Variants in PTPN14 observed in about 807,000 individuals in gnomAD.
PTPN14 encodes tyrosine-protein phosphatase non-receptor type 14.
PTPN14 carries 53 observed loss-of-function variants against 126.8 expected under a neutral mutation model. The ratio of observed to expected loss-of-function variants is 0.42; its 90% CI spans 0.34 to 0.53. PTPN14 has a LOEUF of 0.53. Among genes scored for constraint, PTPN14 ranks in the 20% least tolerant of loss-of-function variants. The probability of loss-of-function intolerance (pLI) is 0.08; values close to 1 mark genes in which losing one functional copy is unlikely to be tolerated. For missense variants in PTPN14, 1,257 were observed against 1,552.9 expected (o/e 0.81, Z 3.20); for synonymous variants, 630 against 599.3 (o/e 1.05, Z -0.75).
At position 214,384,473 on chromosome 1, in the gene PTPN14, C is replaced by T. The variant is rs1209378969; in HGVS notation, c.1382G>A (p.Ser461Asn). 3 of 1,614,140 alleles carry T rather than the reference C, an allele frequency of 1.9e-6. No individual in the cohort carries two copies. The highest frequency in any genetic ancestry group is 1.7e-6 in the Non-Finnish European group (2 of 1,180,030). The change falls in exon 13 of 19, where the codon AGC becomes AAC. Residue 461 changes from serine to asparagine, a missense_variant. Physicochemically the swap from Ser to Asn is conservative, Grantham distance 46. This residue lies in a region of PTPN14 where 1,021 missense variants were observed against 1,183.3 expected (regional missense o/e 0.86). Coordinates refer to ENST00000366956, the MANE Select transcript of PTPN14 (RefSeq NM_005401.5). This position sits in a 1 kb window ranked among gnomAD's most constrained non-coding sequence, Gnocchi z 5.3. Reference protein sequence around the residue: ...QMKRGILHTDSQSQSLRNLNI... With the variant: ...QMKRGILHTDNQSQSLRNLNI... Reference sequence around the variant, plus strand: ...GAGGTTTCTCAGAGACTGGCTCTGGCTGTCTGTATGCAGGATCCCCCTCTT... The same window carrying T: ...GAGGTTTCTCAGAGACTGGCTCTGGTTGTCTGTATGCAGGATCCCCCTCTT...
At chr1:214,379,738 T>C (rs1658429294) in intron 13 of PTPN14, among the ~76,000 whole-genome samples, 1 of 152,242 alleles carries the variant, frequency 6.6e-6, no homozygotes, top group Admixed American at 6.5e-5. Flanking sequence ...CACCTACCTG[T>C]GACGTGGAAG....
Position 214,372,770 on chromosome 1 carries a change from A to C in PTPN14, c.2977T>G (p.Phe993Val). 6.2e-7 allele frequency: 1 copy of C among 1,614,230 alleles called. No homozygotes were observed. The highest frequency in any genetic ancestry group is 8.5e-7 in the Non-Finnish European group (1 of 1,180,038). The change falls in exon 16 of 19, where the codon TTC becomes GTC. Residue 993 changes from phenylalanine (F) to valine (V), a missense_variant. Physicochemically the swap from Phe to Val is conservative, Grantham distance 50 (BLOSUM62 -1). Coordinates refer to ENST00000366956, the MANE Select transcript of PTPN14 (RefSeq NM_005401.5). ...QGPLPHTCHD[F>V]WQMVWEQGVN... Reference sequence around the variant, plus strand: ...CCCTGCTCCCACACCATCTGCCAGAAGTCGTGGCACGTGTGTGGCAGGGGC... The same window carrying C: ...CCCTGCTCCCACACCATCTGCCAGACGTCGTGGCACGTGTGTGGCAGGGGC...
intron 5 of PTPN14, among the ~76,000 whole-genome samples, chr1:214,405,832 G>A (rs1659154424): frequency 6.6e-6 from 1 of 152,062 alleles, no homozygotes; most frequent in African/African-American, 2.4e-5. Flanking sequence ...ACGAAATTAG[G>A]CTTGTTATTC....
intron 1 of PTPN14, among the ~76,000 whole-genome samples, chr1:214,470,765 T>C (rs61819621): frequency 0.14 from 12,475 of 86,340 alleles, 599 homozygotes; most frequent in Middle Eastern, 0.25. Context: ...GCCTGGGCAA[T>C]AAGAGTGAAA....
At chr1:214,378,448 A>C (rs1382337156) in intron 13 of PTPN14, among the ~76,000 whole-genome samples, 1 of 152,270 alleles carries the variant, frequency 6.6e-6, no homozygotes, top group African/African-American at 2.4e-5. Flanking sequence ...ATGACAGGAC[A>C]AGGAAAAGAG....
chr1:214,533,244 G>T (rs545215647), intron 1 of PTPN14: 4 of 641,532 alleles, frequency 6.2e-6, no homozygotes, highest in Non-Finnish European at 8.6e-6. Context: ...AGGAAGAGGC[G>T]CAACACCAAG....
Position 214,357,316 on chromosome 1 carries a change from G to A in PTPN14, c.*606C>T, listed in dbSNP as rs977121751. On this transcript the variant is annotated 3_prime_UTR_variant, in exon 19 of 19. Coordinates refer to ENST00000366956, the MANE Select transcript of PTPN14 (RefSeq NM_005401.5). ...TGGGGGGGAAGTTGGGGTGGGGCGTGGGGGAGAGGAGACTACTGAGGATGA... is the reference window on the plus strand; with the variant it reads ...TGGGGGGGAAGTTGGGGTGGGGCGTAGGGGAGAGGAGACTACTGAGGATGA... 2 of 152,048 alleles carry A rather than the reference G, an allele frequency of 1.3e-5. No homozygotes were observed. The highest frequency in any genetic ancestry group is 2.9e-5 in the Non-Finnish European group (2 of 68,032). The allele number at this position is 152,048 out of a possible 1,614,324, so 9.4% of individuals were successfully genotyped here.
chr1:214,465,703 T>C (rs1660618924), intron 1 of PTPN14, among the ~76,000 whole-genome samples: 2 of 152,080 alleles, frequency 1.3e-5, no homozygotes, highest in Non-Finnish European at 1.5e-5. Context: ...TTTCTAAATA[T>C]ATTGTCTCAT....
Position 214,352,243 on chromosome 1 carries a change from C to A in PTPN14, c.*5679G>T, listed in dbSNP as rs1262505483. On this transcript the variant is annotated 3_prime_UTR_variant, in exon 19 of 19. Coordinates refer to ENST00000366956, the MANE Select transcript of PTPN14 (RefSeq NM_005401.5). ...GATGCCAGACACTCAATGCTAGGCTCATGGACATTTTAATAGAGAATATCT... is the reference window on the plus strand; with the variant it reads ...GATGCCAGACACTCAATGCTAGGCTAATGGACATTTTAATAGAGAATATCT... 1 of 152,178 alleles carries A rather than the reference C, an allele frequency of 6.6e-6. No individual in the cohort carries two copies. The highest frequency in any genetic ancestry group is 2.4e-5 in the African/African-American group (1 of 41,432). 9.4% of individuals were successfully genotyped at this position (152,178 alleles called of 1,614,324 possible).
chr1:214,353,911 ACTGT>A lies in PTPN14; in HGVS notation c.*4007_*4010del, dbSNP rs1252896158. 2.0e-5 allele frequency: 3 copies of A among 152,240 alleles called. No individual in the cohort carries two copies. The highest frequency in any genetic ancestry group is 2.9e-5 in the Non-Finnish European group (2 of 68,060). 9.4% of individuals were successfully genotyped at this position (152,240 alleles called of 1,614,324 possible). The stretch of plus-strand genomic sequence containing the variant: ...GAAGATATAGGTGATCCATGCGAGT[ACTGT>A]CTATTTGCAGAAAATATGGTCCATT... On this transcript the variant is annotated 3_prime_UTR_variant, in exon 19 of 19. Coordinates refer to ENST00000366956, the MANE Select transcript of PTPN14 (RefSeq NM_005401.5).
chr1:214,431,322 T>C (rs1321560003), intron 3 of PTPN14, among the ~76,000 whole-genome samples: 3 of 152,222 alleles, frequency 2.0e-5, no homozygotes, highest in African/African-American at 7.2e-5. Flanking sequence ...ATTATATAAA[T>C]GGGTGGTACA....
chr1:214,427,007 G>A (rs532720696), intron 3 of PTPN14, among the ~76,000 whole-genome samples: 44 of 152,224 alleles, frequency 2.9e-4, no homozygotes, highest in South Asian at 8.3e-4. Flanking sequence ...ACAGGCCAGC[G>A]TGGTGGCTCA....
At chr1:214,450,549 C>G (rs936825971) in intron 3 of PTPN14, among the ~76,000 whole-genome samples, 4 of 151,770 alleles carry the variant, frequency 2.6e-5, no homozygotes, top group Middle Eastern at 6.9e-3. Context: ...TTAAAAATTT[C>G]AAGAGCATCC....
intron 3 of PTPN14, among the ~76,000 whole-genome samples, chr1:214,425,352 C>T (rs188820925): frequency 6.6e-6 from 1 of 152,332 alleles, no homozygotes; most frequent in Admixed American, 6.5e-5. Flanking sequence ...AAATCACCTA[C>T]ACTCTAGGTA....
chr1:214,435,781 T>TG (rs1467910849), intron 3 of PTPN14, among the ~76,000 whole-genome samples: 2 of 152,216 alleles, frequency 1.3e-5, no homozygotes, highest in Admixed American at 6.5e-5. Flanking sequence ...TATACACTGC[T>TG]GGTGGGAATG....
At chr1:214,426,824 C>A (rs556633829) in intron 3 of PTPN14, among the ~76,000 whole-genome samples, 1 of 152,278 alleles carries the variant, frequency 6.6e-6, no homozygotes, top group East Asian at 1.9e-4. Flanking sequence ...AGGGAAGATG[C>A]CAGTGTGGGG....
chr1:214,451,906 A>C lies in PTPN14; in HGVS notation c.243T>G (p.Pro81=). 1.2e-6 allele frequency: 2 copies of C among 1,614,244 alleles called. No individual in the cohort carries two copies. Among genetic ancestry groups the C allele is most frequent in the South Asian group, 2.2e-5 (2 of 91,088 alleles). ...CGAATTTGTCCAGATGTTTCTTCAG[A>C]GGTTTCTCCAGCTCCACCCATCGTG... ...QQARWVELEK[P]LKKHLDKFAN... The change falls in exon 3 of 19, where the codon CCT becomes CCG. Residue 81 remains proline (P), a synonymous_variant. Coordinates refer to ENST00000366956, the MANE Select transcript of PTPN14 (RefSeq NM_005401.5).
At chr1:214,396,309 A>G (rs1658878137) in intron 8 of PTPN14, among the ~76,000 whole-genome samples, 1 of 152,166 alleles carries the variant, frequency 6.6e-6, no homozygotes, top group Non-Finnish European at 1.5e-5. Context: ...TGGGGTTTCC[A>G]GCCTTTCCTC....
chr1:214,362,786 T>G (rs139211058), intron 18 of PTPN14, among the ~76,000 whole-genome samples: 5 of 152,152 alleles, frequency 3.3e-5, no homozygotes, highest in Non-Finnish European at 5.9e-5. Context: ...AAGGACTACT[T>G]GAGCCTAGGA....
Sources: gnomAD v4.1 joint callset for allele counts (sites outside exome capture counted in the v4.1 genomes callset) on GRCh38, gnomAD v4.1.1 for gene constraint, gnomAD v4.1.1 regional missense constraint, Gnocchi (gnomAD v3.1) non-coding constraint, MANE v1.5 for transcripts, NCBI Gene and HGNC (gene_info 2026-07-23, HGNC 2026-07-21) for gene names.